CPAMD8: variants seen among roughly 807,000 people sequenced by gnomAD.
CPAMD8 encodes the protein C3 and PZP-like alpha-2-macroglobulin domain-containing protein 8.
CPAMD8 carries 146 observed loss-of-function variants against 224.7 expected under a neutral mutation model. The ratio of observed to expected loss-of-function variants is 0.65; its 90% CI spans 0.57 to 0.75. The LOEUF (loss-of-function observed/expected upper bound fraction) is 0.75. CPAMD8 is among the 30% of genes least tolerant of loss of function. The pLI, the probability that CPAMD8 is intolerant of heterozygous loss-of-function variation, is 0.00. For missense variants in CPAMD8, 2,301 were observed against 2,537.5 expected (o/e 0.91, Z 2.00); for synonymous variants, 966 against 1,044.6 (o/e 0.92, Z 1.45).
intron 23 of CPAMD8, among the ~76,000 whole-genome samples, chr19:16,932,924 AT>A (rs1173243554): frequency 2.0e-5 from 3 of 152,166 alleles, no homozygotes; most frequent in South Asian, 2.1e-4. Context: ...CAAAAATATC[AT>A]TTTTTTCTTT....
chr19:16,998,293 C>A (rs1351385466), intron 10 of CPAMD8, among the ~76,000 whole-genome samples: 1 of 152,118 alleles, frequency 6.6e-6, no homozygotes, highest in Non-Finnish European at 1.5e-5. Context: ...AACCCTGTCT[C>A]TACTAAAAAT....
chr19:16,997,133 G>A lies in CPAMD8; in HGVS notation c.1073C>T (p.Pro358Leu), dbSNP rs765787041. 35 of 1,607,258 alleles carry A rather than the reference G, an allele frequency of 2.2e-5. No individual in the cohort carries two copies. Among genetic ancestry groups the A allele is most frequent in the Middle Eastern group, 3.3e-4 (2 of 6,048 alleles). The change falls in exon 11 of 42, where the codon CCG becomes CTG. Residue 358 changes from proline (P) to leucine (L), a missense_variant. By Grantham distance (98) the Pro-to-Leu change is moderately conservative. Around this residue, in one of 4 missense-constraint regions of CPAMD8, gnomAD observed 301 missense variants for 406.6 expected, o/e 0.74. Transcript: ENST00000443236. Reference sequence around the variant, plus strand: ...TACCTTCCCCACGTAGGCCAGGCCCGGCTTGAACTGCTTCCTCGTGTCCTT... The same window carrying A: ...TACCTTCCCCACGTAGGCCAGGCCCAGCTTGAACTGCTTCCTCGTGTCCTT... ...YSKDTRKQFK[P>L]GLAYVGKVEL...
intron 27 of CPAMD8, among the ~76,000 whole-genome samples, chr19:16,916,522 G>A (rs1166458037): frequency 6.6e-6 from 1 of 152,052 alleles, no homozygotes; most frequent in Non-Finnish European, 1.5e-5. Flanking sequence ...AAAGTGCTGG[G>A]ATTCAGGAGT....
At chr19:16,918,237 C>T (rs1043185721) in intron 27 of CPAMD8, among the ~76,000 whole-genome samples, 11 of 152,042 alleles carry the variant, frequency 7.2e-5, no homozygotes, top group Admixed American at 1.3e-4. Flanking sequence ...TCAGGTGATC[C>T]GCCTACCTTG....
Position 16,921,916 on chromosome 19 carries a change from C to A in CPAMD8, c.3618G>T (p.Ser1206=), listed in dbSNP as rs779664080. The A allele has an allele frequency of 1.3e-6, 2 of 1,544,410 alleles. No individual in the cohort carries two copies. The highest frequency in any genetic ancestry group is 3.9e-5 in the Admixed American group (2 of 50,982). ...SYSAFGERDA[S]GSMWLTAFVL... Reference sequence around the variant, plus strand: ...CGGTGGGGACTCACCACATGCTCCCCGATGCGTCCCGCTCCCCAAACGCGC... The same window carrying A: ...CGGTGGGGACTCACCACATGCTCCCAGATGCGTCCCGCTCCCCAAACGCGC... The change falls in exon 27 of 42, where the codon TCG becomes TCT. Residue 1206 remains serine, a synonymous_variant. Transcript: ENST00000443236.
intron 26 of CPAMD8, among the ~76,000 whole-genome samples, chr19:16,923,059 C>T (rs1156603834): frequency 1.3e-5 from 2 of 152,224 alleles, no homozygotes; most frequent in Non-Finnish European, 2.9e-5. Flanking sequence ...GCTCCAACTG[C>T]TGGGGCGAGA....
intron 18 of CPAMD8, among the ~76,000 whole-genome samples, chr19:16,968,534 G>C (rs1245796584): frequency 1.3e-5 from 2 of 152,164 alleles, no homozygotes; most frequent in Non-Finnish European, 2.9e-5. Context: ...ATTTGGCAGT[G>C]AGCAATACTG....
chr19:16,909,677 G>A (rs1190482270), intron 29 of CPAMD8, among the ~76,000 whole-genome samples: 1 of 151,838 alleles, frequency 6.6e-6, no homozygotes, highest in Non-Finnish European at 1.5e-5. Flanking sequence ...CCGGGAGGCA[G>A]AGGTTGCAGT....
intron 2 of CPAMD8, among the ~76,000 whole-genome samples, 159 bp from the exon 3 acceptor site, chr19:17,020,512 G>T (rs1390030414): frequency 6.6e-6 from 1 of 152,158 alleles, no homozygotes; most frequent in Admixed American, 6.5e-5. Context: ...GCCAGGCTAG[G>T]ACTGGCAGAA....
rs2144746031 is a variant in CPAMD8, at chr19:16,904,128, G to A, written c.4251+98C>T. On this transcript the variant is annotated intron_variant, in intron 32 of 41. Transcript: ENST00000443236. Reference sequence around the variant, plus strand: ...CTTTGGGGCTCCATAAGGTGAGAAGGGGCCAGACTGCCTGGCCACCTCAGA... The same window carrying A: ...CTTTGGGGCTCCATAAGGTGAGAAGAGGCCAGACTGCCTGGCCACCTCAGA... The A allele has an allele frequency of 4.6e-6, 6 of 1,312,414 alleles. No homozygotes were observed. The South Asian group carries it at 8.2e-5, about 18-fold the overall frequency. The allele number at this position is 1,312,414 out of a possible 1,614,324, so 81.3% of individuals were successfully genotyped here. A position where few individuals can be genotyped will look rare whatever the true frequency, so the allele number is the denominator to read the frequency against.
intron 13 of CPAMD8, among the ~76,000 whole-genome samples, chr19:16,982,423 A>T (rs868168309): frequency 6.6e-6 from 1 of 152,086 alleles, no homozygotes; most frequent in Non-Finnish European, 1.5e-5. Flanking sequence ...TAATTAAAAA[A>T]ATATATAGTA....
In CPAMD8 at chr19:16,904,231, T is replaced by G. The variant is rs1599661992; in HGVS notation, c.4246A>C (p.Thr1416Pro). 1 of 1,361,062 alleles carries G rather than the reference T, an allele frequency of 7.3e-7. No homozygotes were observed. The highest frequency in any genetic ancestry group is 9.7e-7 in the Non-Finnish European group (1 of 1,031,108). 84.3% of individuals were successfully genotyped at this position (1,361,062 alleles called of 1,614,324 possible). ...QRNALGGFSS[T>P]QDTCVALQAL... Reference sequence around the variant, plus strand: ...TCTGGCCCTGCCCGGCTCGCCTGAGTGGAGGAGAAGCCCCCAAGTGCATTT... The same window carrying G: ...TCTGGCCCTGCCCGGCTCGCCTGAGGGGAGGAGAAGCCCCCAAGTGCATTT... The change falls in exon 32 of 42, where the codon ACT becomes CCT. Residue 1416 changes from threonine to proline, a missense_variant. Physicochemically the swap from Thr to Pro is conservative, Grantham distance 38 (BLOSUM62 -1). Transcript: ENST00000443236.
At chr19:16,977,255 A>C (rs2055310223) in intron 15 of CPAMD8, 113 bp downstream of exon 15, 1 of 700,060 alleles carries the variant, frequency 1.4e-6, no homozygotes, top group African/African-American at 1.8e-5. Flanking sequence ...AATTCCTTAC[A>C]TCATGCTGCG....
intron 9 of CPAMD8, among the ~76,000 whole-genome samples, chr19:17,000,747 A>G (rs2056284780): frequency 6.6e-6 from 1 of 152,164 alleles, no homozygotes; most frequent in East Asian, 1.9e-4. Context: ...ATGGACAGAA[A>G]AAGAGACCAA....
chr19:16,985,687 T>G (rs1450253221), intron 13 of CPAMD8, among the ~76,000 whole-genome samples: 1 of 146,440 alleles, frequency 6.8e-6, no homozygotes, highest in Non-Finnish European at 1.5e-5. Context: ...GATGGATGGA[T>G]GAAGGGTGGA....
chr19:16,951,055 G>A (rs959793193), intron 20 of CPAMD8, among the ~76,000 whole-genome samples: 1 of 152,116 alleles, frequency 6.6e-6, no homozygotes, highest in African/African-American at 2.4e-5. Context: ...GGCAGACACT[G>A]GAACCCCAAT....
intron 18 of CPAMD8, among the ~76,000 whole-genome samples, chr19:16,958,390 C>A (rs1376286330): frequency 2.0e-5 from 3 of 152,110 alleles, no homozygotes; most frequent in African/African-American, 7.2e-5. Flanking sequence ...TCTGTTCCTG[C>A]ATTAGTTTGC....
Position 16,989,681 on chromosome 19 carries a change from A to T in CPAMD8, c.1357T>A (p.Cys453Ser), listed in dbSNP as rs1018805713. The change falls in exon 13 of 42, where the codon TGC becomes AGC. Residue 453 changes from cysteine (C) to serine (S), a missense_variant. Cys to Ser is a moderately radical substitution (Grantham distance 112). Coordinates refer to ENST00000443236, the MANE Select transcript of CPAMD8 (RefSeq NM_015692.5). ...SLGSWYSPSQ[C>S]YLQLQPPSHP... ...GAGGGTGGCTGCAGCTGCAGGTAGC[A>T]CTGGCTGGGGGAGTACCAGCTGCCG... The T allele has an allele frequency of 6.2e-7, 1 of 1,614,058 alleles. No homozygotes were observed. Among genetic ancestry groups the T allele is most frequent in the Non-Finnish European group, 8.5e-7 (1 of 1,179,980 alleles).
Position 17,011,665 on chromosome 19 carries a change from C to A in CPAMD8, c.360G>T (p.Ser120=), listed in dbSNP as rs375926741. 1 of 1,613,940 alleles carries A rather than the reference C, an allele frequency of 6.2e-7. No homozygotes were observed. The highest frequency in any genetic ancestry group is 8.5e-7 in the Non-Finnish European group (1 of 1,180,020). The change falls in exon 4 of 42, where the codon TCG becomes TCT. Residue 120 remains serine (S), a synonymous_variant. Transcript: ENST00000443236. The part of the protein sequence containing the change: ...EEGPLFHNQT[S]VTVDGRGASV... ...AAGCGCCCCGGCCGTCCACGGTCAC[C>A]GAGGTCTGGTTGTGAAAGAGGGGCC...
Sources: allele counts gnomAD v4.1 joint callset (sites outside exome capture counted in the v4.1 genomes callset), GRCh38; gene constraint gnomAD v4.1.1; regional missense constraint gnomAD v4.1.1; transcripts MANE v1.5; gene names NCBI Gene and HGNC (gene_info 2026-07-23, HGNC 2026-07-21).